SEL1L3: variants seen among roughly 807,000 people sequenced by gnomAD.
SEL1L3 encodes the protein protein sel-1 homolog 3.
SEL1L3 carries 76 observed loss-of-function variants against 142.8 expected under a neutral mutation model. That is an observed-to-expected ratio of 0.53 (90% CI 0.44 to 0.64). The LOEUF is 0.64. Ranked by LOEUF, SEL1L3 falls within the 30% of genes least tolerant of loss-of-function variation. SEL1L3 has a pLI of 0.00. For synonymous variants in SEL1L3, 504 were observed against 519.6 expected (o/e 0.97, Z 0.41); for missense variants, 1,262 against 1,381.7 (o/e 0.91, Z 1.37).
At chr4:25,721,908 C>T in the SEL1L3 span, among the ~76,000 whole-genome samples, 105 of 152,266 alleles carry the variant, frequency 6.9e-4, no homozygotes, top group African/African-American at 2.3e-3. Flanking sequence ...GTTGTGCTTT[C>T]GAGCCTTTTT....
In SEL1L3 at chr4:25,862,656, G is replaced by A; in HGVS notation, c.162+19C>T. On this transcript the variant is annotated intron_variant, in intron 1 of 23. Transcript: ENST00000399878. Reference sequence around the variant, plus strand: ...GGCCCCGCGCGGAGGGGAAGACCCGGGCAGGGTCCGGCGCTCACCAGGTAG... The same window carrying A: ...GGCCCCGCGCGGAGGGGAAGACCCGAGCAGGGTCCGGCGCTCACCAGGTAG... The A allele has an allele frequency of 1.6e-6, 2 of 1,246,482 alleles. No individual in the cohort carries two copies. The highest frequency in any genetic ancestry group is 1.0e-6 in the Non-Finnish European group (1 of 992,572). 77.2% of individuals were successfully genotyped at this position (1,246,482 alleles called of 1,614,324 possible).
chr4:25,717,918 A>G, the SEL1L3 span, among the ~76,000 whole-genome samples: 14 of 152,212 alleles, frequency 9.2e-5, no homozygotes, highest in Admixed American at 9.2e-4. Flanking sequence ...TAAGTCCCTA[A>G]GACCAACGGA....
intron 10 of SEL1L3, among the ~76,000 whole-genome samples, 160 bp downstream of exon 10, chr4:25,804,381 C>G (rs1374067091): frequency 6.6e-6 from 1 of 152,160 alleles, no homozygotes; most frequent in Non-Finnish European, 1.5e-5. Context: ...AGCAAAGGAT[C>G]CTGTATTTAA....
At chr4:25,748,871 C>T (rs1189881360) in intron 23 of SEL1L3, among the ~76,000 whole-genome samples, 3 of 152,254 alleles carry the variant, frequency 2.0e-5, no homozygotes, top group South Asian at 2.1e-4. Context: ...TGGATATATG[C>T]GGGAATTCTT....
intron 16 of SEL1L3, chr4:25,777,813 T>C (rs912935951): frequency 4.4e-6 from 2 of 456,016 alleles, no homozygotes; most frequent in Non-Finnish European, 8.8e-6. Context: ...TGAACCCAAA[T>C]GTGTTATGAA....
At chr4:25,810,069 G>C (rs10026999) in intron 9 of SEL1L3, among the ~76,000 whole-genome samples, 4 of 152,234 alleles carry the variant, frequency 2.6e-5, no homozygotes, top group Non-Finnish European at 5.9e-5. Flanking sequence ...AAGGGGCGCA[G>C]ATGGTGTCAG....
chr4:25,773,088 C>A (rs938023883), intron 17 of SEL1L3, among the ~76,000 whole-genome samples: 3 of 152,216 alleles, frequency 2.0e-5, no homozygotes, highest in African/African-American at 7.2e-5. Context: ...TGCACCACCA[C>A]GCCCAGCAAG....
intron 11 of SEL1L3, 64 bp from the exon 12 acceptor site, chr4:25,790,638 G>T: frequency 2.8e-5 from 1 of 36,102 alleles, no homozygotes. Flanking sequence ...AAGGAAGGAA[G>T]GAAGGAAGGA....
intron 13 of SEL1L3, among the ~76,000 whole-genome samples, chr4:25,785,079 A>G (rs962185971): frequency 1.9e-4 from 29 of 152,302 alleles, no homozygotes; most frequent in African/African-American, 7.0e-4. Flanking sequence ...TGCTGCTTCC[A>G]AACTCAGAAT....
At chr4:25,739,397 C>A in the SEL1L3 span, among the ~76,000 whole-genome samples, 1 of 151,690 alleles carries the variant, frequency 6.6e-6, no homozygotes, top group Non-Finnish European at 1.5e-5. Flanking sequence ...ATAGCACCAA[C>A]GATGATTTAA....
chr4:25,714,555 C>CTTTCTTTCTTTCTTG, the SEL1L3 span, among the ~76,000 whole-genome samples: 3 of 65,866 alleles, frequency 4.6e-5, no homozygotes, highest in Middle Eastern at 5.7e-3. Flanking sequence ...TTTCTTTCTT[C>CTTTCTTTCTTTCTTG]TTTCTTTCTT....
chr4:25,718,750 T>A, the SEL1L3 span: 1 of 152,190 alleles, frequency 6.6e-6, no homozygotes, highest in Non-Finnish European at 1.5e-5. Context: ...CTGCAAGAAC[T>A]ATTGAGCTTC....
chr4:25,718,518 TATAAAGCTTC>T, the SEL1L3 span: 1 of 152,194 alleles, frequency 6.6e-6, no homozygotes, highest in African/African-American at 2.4e-5. Flanking sequence ...TGATTGCACC[TATAAAGCTTC>T]AAGGGTCTGG....
the SEL1L3 span, among the ~76,000 whole-genome samples, chr4:25,734,717 C>T: frequency 6.6e-6 from 1 of 151,790 alleles, no homozygotes; most frequent in Non-Finnish European, 1.5e-5. Context: ...TACAGGCGCC[C>T]ACCACAATGC....
intron 17 of SEL1L3, chr4:25,773,321 T>C (rs965720710): frequency 6.6e-6 from 1 of 152,172 alleles, no homozygotes; most frequent in Admixed American, 6.5e-5. Flanking sequence ...GGATGGGATT[T>C]AATCTGGGAG....
chr4:25,733,775 A>G, the SEL1L3 span, among the ~76,000 whole-genome samples: 1 of 152,192 alleles, frequency 6.6e-6, no homozygotes, highest in South Asian at 2.1e-4. Context: ...CCGGCCTCCC[A>G]AAGTTCTGGG....
At position 25,847,628 on chromosome 4, in the gene SEL1L3, C is replaced by A. The variant is rs763881242; in HGVS notation, c.399G>T (p.Lys133Asn). Residue 133 changes from lysine (K) to asparagine (N), a missense_variant, in exon 2 of 24, where the codon AAG becomes AAT. Physicochemically the swap from Lys to Asn is moderately conservative, Grantham distance 94 (BLOSUM62 0). Transcript: ENST00000399878. ...SSIPVYKKRW[K>N]NEKHLHTSRT... ...TGCTGGTGTGAAGATGTTTCTCATTCTTCCACCTTTTTTTGTACACGGGAA... is the reference window on the plus strand; with the variant it reads ...TGCTGGTGTGAAGATGTTTCTCATTATTCCACCTTTTTTTGTACACGGGAA... 1.2e-6 allele frequency: 2 copies of A among 1,613,942 alleles called. No homozygotes were observed. Among genetic ancestry groups the A allele is most frequent in the Admixed American group, 3.3e-5 (2 of 60,024 alleles).
chr4:25,736,971 CTT>C, the SEL1L3 span, among the ~76,000 whole-genome samples: 1 of 149,450 alleles, frequency 6.7e-6, no homozygotes, highest in African/African-American at 2.5e-5. Flanking sequence ...ATATGCTACT[CTT>C]TTTTTTTCTT....
At chr4:25,797,789 A>G (rs1712889410) in intron 11 of SEL1L3, among the ~76,000 whole-genome samples, 1 of 152,194 alleles carries the variant, frequency 6.6e-6, no homozygotes, top group Non-Finnish European at 1.5e-5. Flanking sequence ...GGGCCCCGGG[A>G]CACAGAGGTG....
Sources: gnomAD v4.1 joint callset for allele counts (sites outside exome capture counted in the v4.1 genomes callset) on GRCh38, gnomAD v4.1.1 for gene constraint, MANE v1.5 for transcripts, NCBI Gene and HGNC (gene_info 2026-07-23, HGNC 2026-07-21) for gene names.